Variants in TMC1 observed in about 807,000 individuals in gnomAD.
TMC1 encodes the protein transmembrane channel like 1.
A neutral mutation model predicts 105.8 loss-of-function variants in TMC1; 84 were observed. The ratio of observed to expected loss-of-function variants is 0.79; its 90% CI spans 0.67 to 0.95. TMC1 has a LOEUF of 0.95. Among genes scored for constraint, TMC1 ranks in the 40% least tolerant of loss-of-function variants. TMC1 has a pLI of 0.00. For synonymous variants in TMC1, 315 were observed against 311.5 expected (o/e 1.01, Z -0.12); for missense variants, 817 against 914.1 (o/e 0.89, Z 1.37).
intron 23 of TMC1, among the ~76,000 whole-genome samples, chr9:72,833,340 C>T (rs182081094): frequency 6.6e-6 from 1 of 152,242 alleles, no homozygotes; most frequent in African/African-American, 2.4e-5. Flanking sequence ...TTCCAAATCT[C>T]TGCTATTTAT....
Position 72,561,317 on chromosome 9 carries a change from CAAAAAAAAA to C in TMC1, c.-427-16570_-427-16562del, listed in dbSNP as rs375862130. ...TGGGCGGCAGAGCGAGACTCCGTCT[CAAAAAAAAA>C]AAAAAAAAAAAAAAGAGAGAGAGAA... On this transcript the variant is annotated intron_variant, in intron 1 of 23. Coordinates refer to ENST00000297784, the MANE Select transcript of TMC1 (RefSeq NM_138691.3). 7.9e-5 allele frequency among the ~76,000 whole-genome samples: 6 copies of C among 76,406 alleles called. No individual in the cohort carries two copies. In the Middle Eastern group the frequency reaches 0.042, roughly 531 times the overall value. The allele number at this position is 76,406 out of a possible 152,430, so 50.1% of individuals were successfully genotyped here. A position where few individuals can be genotyped will look rare whatever the true frequency, so the allele number is the denominator to read the frequency against.
In TMC1 at chr9:72,810,252, A is replaced by G. The variant is rs188886216; in HGVS notation, c.1695+4742A>G. On this transcript the variant is annotated intron_variant, in intron 18 of 23. Coordinates refer to ENST00000297784, the MANE Select transcript of TMC1 (RefSeq NM_138691.3). ...AATCAATAATATGGTTTCAGAAAGT[A>G]CCTGTCATGAAGGGAAGGACAACCT... Among the ~76,000 whole-genome samples the G allele has an allele frequency of 7.9e-5, 12 of 152,236 alleles. No individual in the cohort carries two copies. The East Asian group carries it at 2.3e-3, about 29-fold the overall frequency.
Position 72,783,153 on chromosome 9 carries a change from G to GAT in TMC1, c.885-5171_885-5170dup, listed in dbSNP as rs373297077. On this transcript the variant is annotated intron_variant, in intron 13 of 23. Coordinates refer to ENST00000297784, the MANE Select transcript of TMC1 (RefSeq NM_138691.3). ...CTCTAGAGAGACAGAACTAATAGGA[G>GAT]ATATATATATATATATGGGAGCTTA... Among the ~76,000 whole-genome samples the GAT allele has an allele frequency of 9.0e-3, 1,344 of 149,472 alleles. 14 individuals carry two copies. Among genetic ancestry groups the GAT allele is most frequent in the African/African-American group, 0.025 (1,029 of 40,814 alleles).
chr9:72,835,912 C>CTTTTTTTTT, intron 23 of TMC1, 39 bp from the exon 24 acceptor site: 1 of 1,436,376 alleles, frequency 7.0e-7, no homozygotes, highest in East Asian at 2.3e-5. Context: ...TCTCTCTCTC[C>CTTTTTTTTT]TTGTTTTTTT....
chr9:72,719,465 C>CCA (rs1473593371), intron 8 of TMC1, among the ~76,000 whole-genome samples: 6 of 152,130 alleles, frequency 3.9e-5, no homozygotes, highest in African/African-American at 1.4e-4. Flanking sequence ...TTTAGGTTCC[C>CCA]CAGTGAGTGT....
intron 19 of TMC1, among the ~76,000 whole-genome samples, chr9:72,817,512 A>T (rs1828806150): frequency 6.6e-6 from 1 of 152,176 alleles, no homozygotes; most frequent in Non-Finnish European, 1.5e-5. Context: ...ATGGCAGAAA[A>T]TGGCTAACAC....
intron 12 of TMC1, among the ~76,000 whole-genome samples, chr9:72,766,018 T>C (rs928181265): frequency 6.6e-6 from 1 of 152,176 alleles, no homozygotes; most frequent in Admixed American, 6.5e-5. Flanking sequence ...CTATGAGATA[T>C]TAGACAATCA....
At chr9:72,651,064 T>A (rs1438457945) in intron 5 of TMC1, 1 of 147,178 alleles carries the variant, frequency 6.8e-6, no homozygotes, top group Non-Finnish European at 1.5e-5. Context: ...GTATTTTATA[T>A]ATATATATCT....
At chr9:72,569,851 C>A (rs1344304396) in intron 1 of TMC1, among the ~76,000 whole-genome samples, 1 of 152,116 alleles carries the variant, frequency 6.6e-6, no homozygotes. Context: ...TCTGGCTGAT[C>A]CCCCTGAGTG....
intron 17 of TMC1, among the ~76,000 whole-genome samples, chr9:72,793,770 A>C (rs774204356): frequency 2.6e-5 from 4 of 152,202 alleles, no homozygotes; most frequent in Non-Finnish European, 5.9e-5. Context: ...CAGCAGCCCT[A>C]TGAAAAAGTG....
chr9:72,545,373 G>A (rs1017705252), intron 1 of TMC1, among the ~76,000 whole-genome samples: 3 of 151,758 alleles, frequency 2.0e-5, no homozygotes, highest in Non-Finnish European at 4.4e-5. Context: ...TCACAATAAT[G>A]TATAACAATA....
chr9:72,629,476 G>C (rs1257347640), intron 4 of TMC1, among the ~76,000 whole-genome samples: 1 of 152,158 alleles, frequency 6.6e-6, no homozygotes, highest in Non-Finnish European at 1.5e-5. Flanking sequence ...CCATGAGCTA[G>C]TTGGGAAAAC....
At chr9:72,527,487 G>C (rs1040245985) in intron 1 of TMC1, among the ~76,000 whole-genome samples, 6 of 152,110 alleles carry the variant, frequency 3.9e-5, no homozygotes, top group Non-Finnish European at 1.5e-5. Flanking sequence ...TGCTGATTTG[G>C]GGGATGTTTA....
chr9:72,558,141 T>G (rs1235441327), intron 1 of TMC1, among the ~76,000 whole-genome samples: 2 of 152,100 alleles, frequency 1.3e-5, no homozygotes, highest in Non-Finnish European at 2.9e-5. Flanking sequence ...TTGGTGAACA[T>G]TTCTCTCTCT....
intron 8 of TMC1, among the ~76,000 whole-genome samples, chr9:72,731,894 T>G (rs1299659625): frequency 6.6e-6 from 1 of 152,194 alleles, no homozygotes; most frequent in Admixed American, 6.5e-5. Context: ...TCTCAATCTT[T>G]TAGCATTTAT....
At chr9:72,765,521 C>T (rs940993627) in intron 12 of TMC1, among the ~76,000 whole-genome samples, 4 of 151,224 alleles carry the variant, frequency 2.6e-5, no homozygotes, top group South Asian at 2.1e-4. Context: ...GCAGAGAGAT[C>T]GGCATGCACA....
At chr9:72,622,193 TCCATAC>T (rs1256714978) in intron 3 of TMC1, among the ~76,000 whole-genome samples, 2 of 152,152 alleles carry the variant, frequency 1.3e-5, no homozygotes, top group African/African-American at 4.8e-5. Context: ...CTTCAGCCTG[TCCATAC>T]CCTCCAGCAA....
chr9:72,715,014 T>G (rs2117923644), intron 8 of TMC1, among the ~76,000 whole-genome samples: 1 of 152,312 alleles, frequency 6.6e-6, no homozygotes, highest in South Asian at 2.1e-4. Context: ...TATTTCTCCT[T>G]CACTTATGAA....
intron 13 of TMC1, among the ~76,000 whole-genome samples, chr9:72,784,622 A>G (rs556971463): frequency 6.6e-6 from 1 of 152,348 alleles, no homozygotes; most frequent in South Asian, 2.1e-4. Context: ...TCATTGTACT[A>G]TAAAGACACA....
Sources: gnomAD v4.1 joint callset for allele counts (sites outside exome capture counted in the v4.1 genomes callset) on GRCh38, gnomAD v4.1.1 for gene constraint, MANE v1.5 for transcripts, NCBI Gene and HGNC (gene_info 2026-07-23, HGNC 2026-07-21) for gene names.